ERCC2: variants seen among roughly 807,000 people sequenced by gnomAD.
ERCC2 encodes general transcription and DNA repair factor IIH helicase subunit XPD.
Under a neutral mutation model 99.4 loss-of-function variants are expected in ERCC2, and 90 were observed. The observed-to-expected ratio is 0.91, with a 90% CI of 0.76 to 1.08. The LOEUF is 1.08. Ranked by LOEUF, ERCC2 falls within the 50% of genes least tolerant of loss-of-function variation. The probability of loss-of-function intolerance (pLI) is 0.00; values close to 1 mark genes in which losing one functional copy is unlikely to be tolerated. For synonymous variants in ERCC2, 497 were observed against 432.4 expected (o/e 1.15, Z -1.85); for missense variants, 993 against 1,038.1 (o/e 0.96, Z 0.60).
intron 15 of ERCC2, 106 bp from the exon 16 acceptor site, chr19:45,355,834 A>T (rs1460685050): frequency 1.0e-3 from 709 of 697,000 alleles, no homozygotes; most frequent in Middle Eastern, 1.6e-3. Flanking sequence ...TTTTTTTTTT[A>T]AAGAGAGACA....
Position 45,353,093 on chromosome 19 carries a change from T to C in ERCC2, c.1821A>G (p.Gly607=). The change falls in exon 19 of 23, where the codon GGA becomes GGG. Residue 607 remains glycine, a synonymous_variant. Coordinates refer to ENST00000391945, the MANE Select transcript of ERCC2 (RefSeq NM_000400.4). ...LSVARGKVSE[G]IDFVHHYGRA... ...GCCCAGTCCACTCACCAAAGTCGAT[T>C]CCCTCGGACACTTTGCCCCGGGCCA... 6.2e-7 allele frequency: 1 copy of C among 1,613,020 alleles called. No homozygotes were observed. The highest frequency in any genetic ancestry group is 1.7e-4 in the Middle Eastern group (1 of 5,784).
At position 45,355,897 on chromosome 19, in the gene ERCC2, A is replaced by G. The variant is rs1402655749; in HGVS notation, c.1480-169T>C. On this transcript the variant is annotated intron_variant, in intron 15 of 22. Coordinates refer to ENST00000391945, the MANE Select transcript of ERCC2 (RefSeq NM_000400.4). ...CTTGAACACCTGGCCTCAAGTGACC[A>G]TCCCGCCTTGGCCTCCCAGAGTGCT... Among the ~76,000 whole-genome samples the G allele has an allele frequency of 2.0e-5, 3 of 150,148 alleles. No homozygotes were observed. In the Admixed American group the frequency reaches 2.0e-4, roughly 10 times the overall value.
intron 11 of ERCC2, chr19:45,362,074 T>C (rs554115698): frequency 3.4e-4 from 77 of 227,248 alleles, no homozygotes; most frequent in African/African-American, 1.7e-3. Context: ...TACAGGTGCC[T>C]GCCACCACAC....
chr19:45,366,267 C>T (rs1046283590), intron 5 of ERCC2, among the ~76,000 whole-genome samples: 3 of 152,106 alleles, frequency 2.0e-5, no homozygotes, highest in Admixed American at 6.6e-5. Context: ...CTCAGCCTCC[C>T]GAGTAGCTGG....
chr19:45,350,756 T>C lies in ERCC2; in HGVS notation c.*873A>G. On this transcript the variant is annotated 3_prime_UTR_variant, in exon 23 of 23. Coordinates refer to ENST00000391945, the MANE Select transcript of ERCC2 (RefSeq NM_000400.4). Reference sequence around the variant, plus strand: ...GCGGCAGGAGCAGCCGGGTGAGTGTTGATCAGGTCGGCAAAGAGCCCTGAC... The same window carrying C: ...GCGGCAGGAGCAGCCGGGTGAGTGTCGATCAGGTCGGCAAAGAGCCCTGAC... 6.2e-7 allele frequency: 1 copy of C among 1,605,136 alleles called. No individual in the cohort carries two copies. Among genetic ancestry groups the C allele is most frequent in the Non-Finnish European group, 8.5e-7 (1 of 1,176,142 alleles).
Position 45,369,066 on chromosome 19 carries a change from T to C in ERCC2, c.183+4A>G, listed in dbSNP as rs1972522411. The C allele has an allele frequency of 6.2e-7, 1 of 1,614,038 alleles. No individual in the cohort carries two copies. The highest frequency in any genetic ancestry group is 2.2e-5 in the East Asian group (1 of 44,880). ...TGCCTTTACGGGTTCAGCGCATCAC[T>C]CACTCTCTGGTATGCCATGATCAGG... is the stretch of plus-strand genomic sequence containing the variant. On this transcript the variant is annotated splice_donor_region_variant and intron_variant, in intron 3 of 22. Coordinates refer to ENST00000391945, the MANE Select transcript of ERCC2 (RefSeq NM_000400.4).
rs1333339999 is a variant in ERCC2 at position 45,349,892 on chromosome 19, T to C, written c.*1737A>G. ...GTGGCCGGCTCCCCTCTTAGCCCGG[T>C]CCCCACATCGCTAGTTCTTATAGCG... On this transcript the variant is annotated 3_prime_UTR_variant, in exon 23 of 23. Coordinates refer to ENST00000391945, the MANE Select transcript of ERCC2 (RefSeq NM_000400.4). 6.5e-6 allele frequency: 3 copies of C among 464,188 alleles called. No homozygotes were observed. Among genetic ancestry groups the C allele is most frequent in the Non-Finnish European group, 1.2e-5 (3 of 259,940 alleles). 28.8% of individuals were successfully genotyped at this position (464,188 alleles called of 1,614,324 possible).
In ERCC2 at chr19:45,368,740, T is replaced by C. The variant is rs1254013195; in HGVS notation, c.250A>G (p.Ile84Val). ...TTGAGCAACTTTCGAAGCTCTTCAA[T>C]CACCTACTCCAAAGTTGGGGGGCAG... ...SRTVPEIEKVIEELRKLLNFY... is the reference protein window; with the variant it reads ...SRTVPEIEKVVEELRKLLNFY... Residue 84 changes from isoleucine to valine, a missense_variant, in exon 5 of 23, where the codon ATT (isoleucine) becomes GTT (valine). This residue lies in a region of ERCC2 where 29 missense variants were observed against 62.1 expected (regional missense o/e 0.47). Transcript: ENST00000391945. 8.7e-6 allele frequency: 14 copies of C among 1,611,472 alleles called. No individual in the cohort carries two copies. Among genetic ancestry groups the C allele is most frequent in the East Asian group, 2.2e-5 (1 of 44,806 alleles).
chr19:45,361,606 A>G lies in ERCC2; in HGVS notation c.1155T>C (p.Thr385=). Reference sequence around the variant, plus strand: ...AGTCAGCAAGGTCGGTGATCTCCAGAGTATGCAGCAGGGACCGGAGGCGTT... The same window carrying G: ...AGTCAGCAAGGTCGGTGATCTCCAGGGTATGCAGCAGGGACCGGAGGCGTT... ...CAERLRSLLH[T]LEITDLADFS... is the part of the protein sequence containing the mutation. The change falls in exon 12 of 23, where the codon ACT becomes ACC. Residue 385 remains threonine, a synonymous_variant. Coordinates refer to ENST00000391945, the MANE Select transcript of ERCC2 (RefSeq NM_000400.4). The G allele has an allele frequency of 6.2e-7, 1 of 1,614,006 alleles. No individual in the cohort carries two copies. The highest frequency in any genetic ancestry group is 8.5e-7 in the Non-Finnish European group (1 of 1,179,900).
At position 45,370,570 on chromosome 19, in the gene ERCC2, A is replaced by G; in HGVS notation, c.-30T>C. 6.3e-7 allele frequency: 1 copy of G among 1,579,570 alleles called. No homozygotes were observed. Among genetic ancestry groups the G allele is most frequent in the Admixed American group, 1.7e-5 (1 of 58,054 alleles). ...CCGGCCGGACTGTGCAGCGGGGTCG[A>G]CCCGCCTCCCTCATGAATATTCAGC... On this transcript the variant is annotated 5_prime_UTR_variant, in exon 1 of 23. Coordinates refer to ENST00000391945, the MANE Select transcript of ERCC2 (RefSeq NM_000400.4).
rs377559301 is a variant in ERCC2 at position 45,351,067 on chromosome 19, C to T, written c.*562G>A. On this transcript the variant is annotated 3_prime_UTR_variant, in exon 23 of 23. Transcript: ENST00000391945. ...ATAGAGGAGGCCATGTGGGTAGGTGCAGAGATGAGGCAAAGGCAGGGCGGT... is the reference window on the plus strand; with the variant it reads ...ATAGAGGAGGCCATGTGGGTAGGTGTAGAGATGAGGCAAAGGCAGGGCGGT... 2.5e-6 allele frequency: 4 copies of T among 1,613,624 alleles called. No homozygotes were observed. Among genetic ancestry groups the T allele is most frequent in the Non-Finnish European group, 3.4e-6 (4 of 1,179,826 alleles).
chr19:45,370,231 G>C lies in ERCC2; in HGVS notation c.7C>G (p.Leu3Val). The C allele has an allele frequency of 1.2e-6, 2 of 1,613,334 alleles. No homozygotes were observed. The highest frequency in any genetic ancestry group is 1.1e-5 in the South Asian group (1 of 91,060). The change falls in exon 2 of 23, where the codon CTC becomes GTC. Residue 3 changes from leucine (L) to valine (V), a missense_variant and splice_region_variant. By Grantham distance (32) the Leu-to-Val change is conservative. This residue lies in a region of ERCC2 where 55 missense variants were observed against 45.1 expected (regional missense o/e 1.22). Transcript: ENST00000391945. Reference sequence around the variant, plus strand: ...TAGACCAGGAGCCCGTCCACGTTGAGCCTGGCGGCAGGGGCTGCTGGGTCA... The same window carrying C: ...TAGACCAGGAGCCCGTCCACGTTGACCCTGGCGGCAGGGGCTGCTGGGTCA... MK[L>V]NVDGLLVYFP...
At chr19:45,351,965 C>T (rs1004617962) in intron 22 of ERCC2, among the ~76,000 whole-genome samples, 29 of 152,206 alleles carry the variant, frequency 1.9e-4, no homozygotes, top group Non-Finnish European at 1.5e-4. Flanking sequence ...CTCCTGAAAA[C>T]GCCCAATGCC....
At chr19:45,354,918 A>G (rs1971960666) in intron 16 of ERCC2, 67 bp from the exon 17 acceptor site, 5 of 1,608,148 alleles carry the variant, frequency 3.1e-6, no homozygotes, top group Non-Finnish European at 4.3e-6. Context: ...TCTTAGAACT[A>G]GGAGTTTCTG....
chr19:45,360,362 G>A (rs1225257537), intron 12 of ERCC2, among the ~76,000 whole-genome samples: 9 of 143,544 alleles, frequency 6.3e-5, no homozygotes, highest in East Asian at 2.0e-4. Context: ...GATTACAGGC[G>A]TAAACCACCA....
chr19:45,350,171 C>G lies in ERCC2; in HGVS notation c.*1458G>C. 8.2e-6 allele frequency: 5 copies of G among 612,576 alleles called. No homozygotes were observed. The highest frequency in any genetic ancestry group is 2.9e-6 in the Non-Finnish European group (1 of 349,256). The allele number at this position is 612,576 out of a possible 1,614,324, so 37.9% of individuals were successfully genotyped here. On this transcript the variant is annotated 3_prime_UTR_variant, in exon 23 of 23. Transcript: ENST00000391945. ...ACGTGGTGGTTCACGCTTGTAACCC[C>G]AACACTTTGGGAGGCCAAGGCAGGA... is the stretch of plus-strand genomic sequence containing the variant.
intron 12 of ERCC2, among the ~76,000 whole-genome samples, chr19:45,359,964 G>A (rs569986252): frequency 2.4e-4 from 37 of 152,044 alleles, no homozygotes; most frequent in Non-Finnish European, 3.7e-4. Context: ...TAGTAGAGAC[G>A]GGGTTTCACC....
In ERCC2 at chr19:45,364,324, G is replaced by A; in HGVS notation, c.726C>T (p.Val242=). 6.2e-7 allele frequency: 1 copy of A among 1,614,026 alleles called. No homozygotes were observed. Among genetic ancestry groups the A allele is most frequent in the Non-Finnish European group, 8.5e-7 (1 of 1,180,002 alleles). Residue 242 remains valine (V), a synonymous_variant, in exon 9 of 23, where the codon GTC becomes GTT. Transcript: ENST00000391945. ...GGTTGACGCTCATGGAGTCGATGCA[G>A]ACGTTGTCTGGAGAAGGGGGAGAGA... ...VFDEAHNIDN[V]CIDSMSVNLT...
In ERCC2 at chr19:45,350,737, G is replaced by A. The variant is rs749751289; in HGVS notation, c.*892C>T. The A allele has an allele frequency of 6.2e-7, 1 of 1,611,070 alleles. No homozygotes were observed. Among genetic ancestry groups the A allele is most frequent in the Admixed American group, 1.7e-5 (1 of 59,446 alleles). ...CCGGCTCCGAGGCGAGGCGGCGGCA[G>A]GAGCAGCCGGGTGAGTGTTGATCAG... On this transcript the variant is annotated 3_prime_UTR_variant, in exon 23 of 23. Transcript: ENST00000391945.
Sources: allele counts gnomAD v4.1 joint callset (sites outside exome capture counted in the v4.1 genomes callset), GRCh38; gene constraint gnomAD v4.1.1; regional missense constraint gnomAD v4.1.1; transcripts MANE v1.5; gene names NCBI Gene and HGNC (gene_info 2026-07-23, HGNC 2026-07-21).